Variants in APC2 observed in about 807,000 individuals in gnomAD.
APC2 encodes the protein adenomatous polyposis coli protein 2.
Under a neutral mutation model 72.5 loss-of-function variants are expected in APC2, and 41 were observed. The ratio of observed to expected loss-of-function variants is 0.57; its 90% CI spans 0.44 to 0.73. The LOEUF (loss-of-function observed/expected upper bound fraction) is 0.73. Among genes scored for constraint, APC2 ranks in the 30% least tolerant of loss-of-function variants. The pLI is 0.00. For missense variants in APC2, 3,729 were observed against 3,403.4 expected (o/e 1.10, Z -2.38); for synonymous variants, 1,898 against 1,612.0 (o/e 1.18, Z -4.25).
chr19:1,451,080 G>T (rs2083737428), intron 1 of APC2, among the ~76,000 whole-genome samples: 1 of 152,180 alleles, frequency 6.6e-6, no homozygotes, highest in Non-Finnish European at 1.5e-5. Context: ...GGCTGTGCAT[G>T]GGGGACTGTG....
At chr19:1,453,705 C>T in intron 4 of APC2, 94 bp downstream of exon 4, 2 of 1,451,612 alleles carry the variant, frequency 1.4e-6, no homozygotes, top group Non-Finnish European at 1.9e-6. Context: ...GCATATGTCT[C>T]TGCCCACACC....
upstream of APC2, among the ~76,000 whole-genome samples, chr19:1,448,127 G>A (rs1262400177): frequency 1.2e-4 from 18 of 152,062 alleles, no homozygotes; most frequent in Admixed American, 1.2e-3. Flanking sequence ...CCCCATTTCA[G>A]CCTCGCCCAG....
intron 9 of APC2, 169 bp from the exon 10 acceptor site, chr19:1,457,796 C>T: frequency 1.5e-6 from 1 of 645,822 alleles, no homozygotes; most frequent in Non-Finnish European, 2.8e-6. Context: ...AGAGAGGCCA[C>T]CCCATCATCC....
At position 1,466,962 on chromosome 19, in the gene APC2, C is replaced by T; in HGVS notation, c.3661C>T (p.Gln1221Ter). 1 of 1,605,426 alleles carries T rather than the reference C, an allele frequency of 6.2e-7. No homozygotes were observed. Among genetic ancestry groups the T allele is most frequent in the Non-Finnish European group, 8.5e-7 (1 of 1,176,444 alleles). ...SKTPPLAPAP[Q>*]GPPEATQFSL... ...GACGCCACCGCTGGCGCCCGCGCCA[C>T]AGGGTCCCCCCGAGGCCACCCAGTT... Residue 1221 changes from glutamine to a stop codon, truncating the protein, a stop_gained, in exon 15 of 15, where the codon CAG (glutamine) becomes TAG (stop). Coordinates refer to ENST00000590469, the MANE Select transcript of APC2 (RefSeq NM_005883.3). LOFTEE classifies it low-confidence loss of function (END_TRUNC).
intron 6 of APC2, among the ~76,000 whole-genome samples, chr19:1,455,783 AG>A (rs2083813499): frequency 6.6e-6 from 1 of 151,520 alleles, no homozygotes; most frequent in African/African-American, 2.4e-5. Context: ...GGGGCCTAGA[AG>A]GACGAGGTCT....
At position 1,468,304 on chromosome 19, in the gene APC2, G is replaced by A. The variant is rs2084061906; in HGVS notation, c.5003G>A (p.Arg1668His). ...CGGCCCGCAGAGGGGTCCCGGGAACGCGGCGAGGAGGCAGCGGGCTCGGAC... is the reference window on the plus strand; with the variant it reads ...CGGCCCGCAGAGGGGTCCCGGGAACACGGCGAGGAGGCAGCGGGCTCGGAC... ...DERPAEGSRE[R>H]GEEAAGSDRA... is the part of the protein sequence containing the mutation. Residue 1668 changes from arginine to histidine, a missense_variant, in exon 15 of 15, where the codon CGC becomes CAC. By Grantham distance (29) the Arg-to-His change is conservative. Coordinates refer to ENST00000590469, the MANE Select transcript of APC2 (RefSeq NM_005883.3). 1 of 1,543,910 alleles carries A rather than the reference G, an allele frequency of 6.5e-7. No individual in the cohort carries two copies.
chr19:1,467,522 C>G lies in APC2; in HGVS notation c.4221C>G (p.Ser1407Arg). The G allele has an allele frequency of 6.8e-7, 1 of 1,474,352 alleles. No individual in the cohort carries two copies. The highest frequency in any genetic ancestry group is 2.8e-5 in the East Asian group (1 of 36,150). The allele number at this position is 1,474,352 out of a possible 1,614,324, so 91.3% of individuals were successfully genotyped here. Residue 1407 changes from serine to arginine, a missense_variant, in exon 15 of 15, where the codon AGC (serine) becomes AGG (arginine). Physicochemically the swap from Ser to Arg is moderately radical, Grantham distance 110. Coordinates refer to ENST00000590469, the MANE Select transcript of APC2 (RefSeq NM_005883.3). Reference sequence around the variant, plus strand: ...ACTTCTCTAGCGCCGCCTCGCTCAGCGACGAGACGCTGCAGGGACCCCCCA... The same window carrying G: ...ACTTCTCTAGCGCCGCCTCGCTCAGGGACGAGACGCTGCAGGGACCCCCCA... ...PVNFSSAASL[S>R]DETLQGPPRD... is the part of the protein sequence containing the mutation.
rs1355950042 is a variant in APC2, at chr19:1,455,502, T to TGCGGCGGTGGGCGGGGTGGC, written c.639+11_639+30dup. On this transcript the variant is annotated splice_region_variant and intron_variant, in intron 6 of 14. Transcript: ENST00000590469. ...GACGAGATGGTGCAGCGGGCACAGG[T>TGCGGCGGTGGGCGGGGTGGC]GCGGCGGTGGGCGGGGTGGCGCGGC... is the stretch of plus-strand genomic sequence containing the variant. 1.9e-6 allele frequency: 3 copies of TGCGGCGGTGGGCGGGGTGGC among 1,598,382 alleles called. No homozygotes were observed. The highest frequency in any genetic ancestry group is 2.6e-6 in the Non-Finnish European group (3 of 1,172,698).
rs1256903378 is a variant in APC2 at position 1,468,167 on chromosome 19, G to A, written c.4866G>A (p.Pro1622=). ...PGGGRDSSPS[P]RAAEELLQRC... ...GCGGACGCGACAGCTCGCCCAGCCC[G>A]CGGGCCGCGGAGGAGCTTCTGCAGC... The change falls in exon 15 of 15, where the codon CCG becomes CCA. Residue 1622 remains proline, a synonymous_variant. Coordinates refer to ENST00000590469, the MANE Select transcript of APC2 (RefSeq NM_005883.3). 5.5e-6 allele frequency: 8 copies of A among 1,454,964 alleles called. No individual in the cohort carries two copies. Among genetic ancestry groups the A allele is most frequent in the African/African-American group, 1.5e-5 (1 of 67,240 alleles). The allele number at this position is 1,454,964 out of a possible 1,614,324, so 90.1% of individuals were successfully genotyped here. A position where few individuals can be genotyped will look rare whatever the true frequency, so the allele number is the denominator to read the frequency against.
intron 1 of APC2, among the ~76,000 whole-genome samples, chr19:1,450,909 C>G (rs941362080): frequency 1.3e-5 from 2 of 152,244 alleles, no homozygotes; most frequent in African/African-American, 4.8e-5. Flanking sequence ...GGCAGGGCAA[C>G]TGCACGTGCA....
chr19:1,457,819 G>T (rs1026311673), intron 9 of APC2, 146 bp from the exon 10 acceptor site: 3 of 694,244 alleles, frequency 4.3e-6, no homozygotes, highest in Non-Finnish European at 7.5e-6. Flanking sequence ...TCTTAGAGAG[G>T]CTGGGAAAGG....
At chr19:1,459,672 C>T (rs928730085) in intron 10 of APC2, among the ~76,000 whole-genome samples, 1 of 151,790 alleles carries the variant, frequency 6.6e-6, no homozygotes, top group Non-Finnish European at 1.5e-5. Context: ...TCCTCTCCCT[C>T]TGACTCACAG....
In APC2 at chr19:1,467,673, G is replaced by A. The variant is rs960403724; in HGVS notation, c.4372G>A (p.Ala1458Thr). ...CCGCAGCGCGGAGCAGTCTCGGGGC[G>A]CGGGCAAGAACAGAGCAGGGCTGGA... ...AGRSAEQSRG[A>T]GKNRAGLELP... is the part of the protein sequence containing the mutation. Residue 1458 changes from alanine to threonine, a missense_variant, in exon 15 of 15, where the codon GCG (alanine) becomes ACG (threonine). Ala to Thr is a moderately conservative substitution (Grantham distance 58, BLOSUM62 0). Coordinates refer to ENST00000590469, the MANE Select transcript of APC2 (RefSeq NM_005883.3). 12 of 1,478,354 alleles carry A rather than the reference G, an allele frequency of 8.1e-6. No homozygotes were observed. The highest frequency in any genetic ancestry group is 2.7e-5 in the East Asian group (1 of 36,904). 91.6% of individuals were successfully genotyped at this position (1,478,354 alleles called of 1,614,324 possible).
chr19:1,470,499 G>C lies in APC2; in HGVS notation c.*286G>C, dbSNP rs113820744. ...CGTCCTGGCCCAGCCCTGAGCGCGC[G>C]GCCCTTCCCCTGTCGGAAGCCGTTG... On this transcript the variant is annotated 3_prime_UTR_variant, in exon 15 of 15. Coordinates refer to ENST00000590469, the MANE Select transcript of APC2 (RefSeq NM_005883.3). 17 of 400,070 alleles carry C rather than the reference G, an allele frequency of 4.2e-5. No individual in the cohort carries two copies. Among genetic ancestry groups the C allele is most frequent in the African/African-American group, 2.3e-4 (11 of 47,466 alleles). 24.8% of individuals were successfully genotyped at this position (400,070 alleles called of 1,614,324 possible).
chr19:1,463,514 C>T (rs1181272609), intron 14 of APC2, among the ~76,000 whole-genome samples: 2 of 147,160 alleles, frequency 1.4e-5, no homozygotes, highest in South Asian at 2.1e-4. Flanking sequence ...GTCTGGGAGG[C>T]GGAGGTTGCA....
chr19:1,463,961 G>C (rs934432178), intron 14 of APC2, among the ~76,000 whole-genome samples: 1 of 152,036 alleles, frequency 6.6e-6, no homozygotes, highest in Non-Finnish European at 1.5e-5. Flanking sequence ...GATCACCTGA[G>C]GTCAGGAGTT....
rs1287373933 is a variant in APC2 at position 1,472,272 on chromosome 19, C to G, written c.*2059C>G. On this transcript the variant is annotated 3_prime_UTR_variant, in exon 15 of 15. Transcript: ENST00000590469. ...TGCTCACCCTCACACTCGCCCCGGCCCGCTGCGCCCCTAATTGCCAAAGGG... is the reference window on the plus strand; with the variant it reads ...TGCTCACCCTCACACTCGCCCCGGCGCGCTGCGCCCCTAATTGCCAAAGGG... The G allele has an allele frequency of 6.6e-6, 1 of 152,370 alleles. No homozygotes were observed. The highest frequency in any genetic ancestry group is 1.5e-5 in the Non-Finnish European group (1 of 68,134). The allele number at this position is 152,370 out of a possible 1,614,324, so 9.4% of individuals were successfully genotyped here.
chr19:1,456,749 G>GA, intron 8 of APC2, 104 bp from the exon 9 acceptor site: 2 of 1,382,050 alleles, frequency 1.4e-6, no homozygotes, highest in Non-Finnish European at 1.9e-6. Context: ...GGTGGGCGTG[G>GA]GGCTGCCCTT....
Position 1,452,964 on chromosome 19 carries a change from C to G in APC2, c.-18-20C>G. On this transcript the variant is annotated intron_variant, in intron 1 of 14. Transcript: ENST00000590469. The surrounding 1 kb of genome is among the most constrained non-coding windows in gnomAD (Gnocchi z 5.1). ...CCCTCCCCAGACCATCAGCTGAACC[C>G]TCTGACCCTGTGATCCCAGACGCTG... The G allele has an allele frequency of 6.2e-7, 1 of 1,608,634 alleles. No individual in the cohort carries two copies. The highest frequency in any genetic ancestry group is 8.5e-7 in the Non-Finnish European group (1 of 1,178,846).
Sources: allele counts gnomAD v4.1 joint callset (sites outside exome capture counted in the v4.1 genomes callset), GRCh38; gene constraint gnomAD v4.1.1; non-coding constraint Gnocchi (gnomAD v3.1); transcripts MANE v1.5; gene names NCBI Gene and HGNC (gene_info 2026-07-23, HGNC 2026-07-21).